The following PCDH19 variants were observed in gnomAD, a reference collection of about 807,000 sequenced individuals.
PCDH19 encodes the protein protocadherin 19.
Under a neutral mutation model 46.2 loss-of-function variants are expected in PCDH19, and 6 were observed. The ratio of observed to expected loss-of-function variants is 0.13; its 90% CI spans 0.07 to 0.26. PCDH19 has a LOEUF of 0.26. Ranked by LOEUF, PCDH19 falls within the 10% of genes least tolerant of loss-of-function variation. The pLI, the probability that PCDH19 is intolerant of heterozygous loss-of-function variation, is 1.00. For synonymous variants in PCDH19, 481 were observed against 415.7 expected (o/e 1.16, Z -1.91); for missense variants, 740 against 972.3 (o/e 0.76, Z 3.18).
Position 100,402,628 on chromosome X carries a change from G to C in PCDH19, c.2512C>G (p.Gln838Glu), listed in dbSNP as rs199634316. ...SESTFLNVEN[Q>E]NTRNTSANHI... ...TTAGCACTGGTGTTGCGGGTATTCTGGTTCTCCACATTCAGGAAAGTGCTC... is the reference window on the plus strand; with the variant it reads ...TTAGCACTGGTGTTGCGGGTATTCTCGTTCTCCACATTCAGGAAAGTGCTC... Residue 838 changes from glutamine to glutamate, a missense_variant, in exon 3 of 6, where the codon CAG (glutamine) becomes GAG (glutamate). Transcript: ENST00000373034. 4.1e-6 allele frequency: 5 copies of C among 1,209,465 alleles called. No homozygotes were observed. The highest frequency in any genetic ancestry group is 5.6e-6 in the Non-Finnish European group (5 of 894,694).
intron 5 of PCDH19, among the ~76,000 whole-genome samples, chrX:100,323,703 A>G: frequency 9.0e-6 from 1 of 111,619 alleles, no homozygotes; most frequent in East Asian, 2.8e-4. Context: ...AGGTAACTTT[A>G]CCAAATAAAA....
At chrX:100,387,391 CCTT>C (rs778609423) in intron 3 of PCDH19, among the ~76,000 whole-genome samples, 5 of 111,835 alleles carry the variant, frequency 4.5e-5, no homozygotes, top group East Asian at 2.8e-4. Context: ...ATCATTGACT[CCTT>C]CTTTTTTGTG....
intron 3 of PCDH19, among the ~76,000 whole-genome samples, chrX:100,366,951 G>C (rs1489945860): frequency 8.9e-6 from 1 of 112,090 alleles, no homozygotes; most frequent in Admixed American, 9.5e-5. Context: ...CATCAGCCCC[G>C]GATCAAAAGA....
At position 100,341,985 on chromosome X, in the gene PCDH19, C is replaced by T. The variant is rs373500083; in HGVS notation, c.2766G>A (p.Gln922=). 3 of 1,206,966 alleles carry T rather than the reference C, an allele frequency of 2.5e-6. No homozygotes were observed. The highest frequency in any genetic ancestry group is 3.4e-6 in the Non-Finnish European group (3 of 892,389). Residue 922 remains glutamine (Q), a synonymous_variant, in exon 5 of 6, where the codon CAG becomes CAA. Coordinates refer to ENST00000373034, the MANE Select transcript of PCDH19 (RefSeq NM_001184880.2). ...CAGCAGTATCACAATACAGGCTCCG[C>T]TGGACATCATGCTCACTGTCAGTTT... ...SDQTDSEHDV[Q]RSLYCDTAVN... is the part of the protein sequence containing the mutation.
chrX:100,313,415 T>C (rs988068734), intron 5 of PCDH19, among the ~76,000 whole-genome samples: 4 of 111,673 alleles, frequency 3.6e-5, no homozygotes, highest in Non-Finnish European at 7.5e-5. Flanking sequence ...TCGGCAGTTA[T>C]AAGAGGAAGG....
chrX:100,319,317 G>A (rs1290754598), intron 5 of PCDH19, among the ~76,000 whole-genome samples: 4 of 111,721 alleles, frequency 3.6e-5, no homozygotes, highest in African/African-American at 9.8e-5. Context: ...TAAAATTAAA[G>A]GCTGGAGGGG....
chrX:100,358,301 C>T (rs1459363084), intron 3 of PCDH19, among the ~76,000 whole-genome samples: 1 of 111,878 alleles, frequency 8.9e-6, no homozygotes, highest in Non-Finnish European at 1.9e-5. Context: ...AGGTGGTAAA[C>T]AACTCTAGCA....
At chrX:100,301,572 G>A (rs1924783699) in intron 5 of PCDH19, among the ~76,000 whole-genome samples, 1 of 112,125 alleles carries the variant, frequency 8.9e-6, no homozygotes, top group Non-Finnish European at 1.9e-5. Flanking sequence ...TATCAGACAA[G>A]CTTCCTGAAT....
At chrX:100,374,085 T>C (rs997089256) in intron 3 of PCDH19, among the ~76,000 whole-genome samples, 8 of 112,577 alleles carry the variant, frequency 7.1e-5, no homozygotes, top group African/African-American at 2.3e-4. Flanking sequence ...AGCAGAAGGA[T>C]TCAAGCATTA....
At chrX:100,341,387 T>C (rs948859968) in intron 5 of PCDH19, among the ~76,000 whole-genome samples, 1 of 111,660 alleles carries the variant, frequency 9.0e-6, no homozygotes, top group Non-Finnish European at 1.9e-5. Flanking sequence ...AGCAGCCCCA[T>C]AGACAAAATG....
intron 5 of PCDH19, among the ~76,000 whole-genome samples, chrX:100,333,499 T>C (rs1290660149): frequency 1.8e-5 from 2 of 111,931 alleles, no homozygotes; most frequent in Non-Finnish European, 3.8e-5. Context: ...AGCTCAAAAA[T>C]CTTAATTACT....
intron 3 of PCDH19, among the ~76,000 whole-genome samples, chrX:100,396,081 A>G: frequency 9.0e-6 from 1 of 111,298 alleles, no homozygotes; most frequent in South Asian, 3.8e-4. Flanking sequence ...GGCTTTATTT[A>G]CCCAAATCTG....
chrX:100,309,691 G>A (rs1303819457), intron 5 of PCDH19, among the ~76,000 whole-genome samples: 1 of 111,430 alleles, frequency 9.0e-6, no homozygotes, highest in Non-Finnish European at 1.9e-5. Flanking sequence ...ATGTGGAGAT[G>A]CCTCAGGAAG....
chrX:100,384,090 G>A (rs1271423100), intron 3 of PCDH19, among the ~76,000 whole-genome samples: 1 of 111,707 alleles, frequency 9.0e-6, no homozygotes, highest in Non-Finnish European at 1.9e-5. Context: ...AAAATGTAAT[G>A]TAAAAGTGAA....
intron 5 of PCDH19, among the ~76,000 whole-genome samples, chrX:100,298,730 C>T (rs764034248): frequency 8.9e-6 from 1 of 111,858 alleles, no homozygotes; most frequent in South Asian, 3.8e-4. Flanking sequence ...TGTTATCATT[C>T]AACATGCATG....
chrX:100,320,772 C>CT (rs1173899868), intron 5 of PCDH19, among the ~76,000 whole-genome samples: 39 of 95,472 alleles, frequency 4.1e-4, no homozygotes, highest in East Asian at 2.3e-3. Flanking sequence ...AGAAAAAGTT[C>CT]TTTTTTTTTT....
Position 100,408,708 on chromosome X carries a change from C to T in PCDH19, c.-111G>A, listed in dbSNP as rs189715808. ...GCCGCCTGTTGCGCGCGCCCCGTGG[C>T]CCCGGAGGCCGCGGGAGAAGTCCCG... On this transcript the variant is annotated 5_prime_UTR_variant, in exon 1 of 6. Transcript: ENST00000373034. 1,767 of 652,713 alleles carry T rather than the reference C, an allele frequency of 2.7e-3. 38 individuals carry two copies. The East Asian group carries it at 0.059, about 22-fold the overall frequency. 53.8% of individuals were successfully genotyped at this position (652,713 alleles called of 1,213,427 possible).
At chrX:100,371,849 TACACACACACACACAC>T (rs56125276) in intron 3 of PCDH19, among the ~76,000 whole-genome samples, 2 of 80,757 alleles carry the variant, frequency 2.5e-5, no homozygotes, top group East Asian at 6.8e-4. Flanking sequence ...CAAATGACTA[TACACACACACACACAC>T]ACACACACAC....
chrX:100,352,830 G>A (rs1926609943), intron 3 of PCDH19, among the ~76,000 whole-genome samples: 1 of 111,656 alleles, frequency 9.0e-6, no homozygotes, highest in Non-Finnish European at 1.9e-5. Context: ...CAGGACCACG[G>A]GCCAATTAAA....
Sources: gnomAD v4.1 joint callset for allele counts (sites outside exome capture counted in the v4.1 genomes callset) on GRCh38, gnomAD v4.1.1 for gene constraint, MANE v1.5 for transcripts, NCBI Gene and HGNC (gene_info 2026-07-23, HGNC 2026-07-21) for gene names.